Variants in TOP1 observed in about 807,000 individuals in gnomAD.
TOP1 encodes DNA topoisomerase 1.
TOP1 carries 10 observed loss-of-function variants against 111.1 expected under a neutral mutation model. The ratio of observed to expected loss-of-function variants is 0.09; its 90% CI spans 0.06 to 0.15. The LOEUF (loss-of-function observed/expected upper bound fraction) is 0.15. Ranked by LOEUF, TOP1 falls within the 10% of genes least tolerant of loss-of-function variation. The pLI, the probability that TOP1 is intolerant of heterozygous loss-of-function variation, is 1.00. For synonymous variants in TOP1, 271 were observed against 302.9 expected (o/e 0.89, Z 1.10); for missense variants, 474 against 926.7 (o/e 0.51, Z 6.34).
At position 41,109,327 on chromosome 20, in the gene TOP1, A is replaced by G. The variant is rs896780710; in HGVS notation, c.1309-3455A>G. ...AATTCAAAACGTTTTAAATCTATTT[A>G]TTAGTAAGACTAACATAGACCTAAG... is the stretch of plus-strand genomic sequence containing the variant. On this transcript the variant is annotated intron_variant, in intron 13 of 20. Transcript: ENST00000361337. The surrounding 1 kb of genome is among the most constrained non-coding windows in gnomAD (Gnocchi z 4.1). 2.0e-5 allele frequency among the ~76,000 whole-genome samples: 3 copies of G among 152,206 alleles called. No homozygotes were observed. Among genetic ancestry groups the G allele is most frequent in the African/African-American group, 7.2e-5 (3 of 41,460 alleles).
In TOP1 at chr20:41,107,533, TTTG is replaced by T. The variant is rs2034166026; in HGVS notation, c.1309-5246_1309-5244del. Among the ~76,000 whole-genome samples the T allele has an allele frequency of 3.9e-5, 6 of 152,228 alleles. No individual in the cohort carries two copies. In the South Asian group the frequency reaches 1.2e-3, roughly 32 times the overall value. On this transcript the variant is annotated intron_variant, in intron 13 of 20. Transcript: ENST00000361337. ...CTATAATTTATTTCAATTACCACTTTTTGTTTTCAAAATTTCTAATTTTATATC... is the reference window on the plus strand; with the variant it reads ...CTATAATTTATTTCAATTACCACTTTTTTTCAAAATTTCTAATTTTATATC...
intron 3 of TOP1, 41 bp from the exon 4 acceptor site, chr20:41,076,130 C>T: frequency 6.3e-7 from 1 of 1,580,514 alleles, no homozygotes; most frequent in Non-Finnish European, 8.6e-7. Flanking sequence ...TCCTTGTGGT[C>T]CCTACTCTGG....
intron 3 of TOP1, among the ~76,000 whole-genome samples, chr20:41,075,257 C>T (rs1337835355): frequency 2.0e-5 from 3 of 152,100 alleles, no homozygotes; most frequent in African/African-American, 4.8e-5. Context: ...CTGCAAGCTC[C>T]GCCTCCTGGG....
chr20:41,077,853 A>T (rs1409796669), intron 5 of TOP1, among the ~76,000 whole-genome samples: 1 of 151,846 alleles, frequency 6.6e-6, no homozygotes, highest in East Asian at 1.9e-4. Flanking sequence ...CCAGAAGGTT[A>T]TTTCGAATAG....
intron 13 of TOP1, among the ~76,000 whole-genome samples, chr20:41,107,393 T>C (rs2034163298): frequency 6.6e-6 from 1 of 151,280 alleles, no homozygotes. Flanking sequence ...TTCATACTCT[T>C]TGTCTCTTTA....
intron 9 of TOP1, among the ~76,000 whole-genome samples, chr20:41,093,184 T>C (rs117757282): frequency 0.033 from 5,030 of 152,270 alleles, 151 homozygotes; most frequent in Admixed American, 0.052. Flanking sequence ...CCCTTATCTG[T>C]CGTTGGTATT....
Position 41,101,260 on chromosome 20 carries a change from G to C in TOP1, c.1215G>C (p.Arg405=). ...CAGGACATAAGTGGAAAGAAGTCCG[G>C]CATGATAACAAGGTTACTTGGCTGG... ...PPPGHKWKEV[R]HDNKVTWLVS... is the part of the protein sequence containing the mutation. The change falls in exon 13 of 21, where the codon CGG becomes CGC. Residue 405 remains arginine (R), a synonymous_variant. Transcript: ENST00000361337. This position sits in a 1 kb window ranked among gnomAD's most constrained non-coding sequence, Gnocchi z 4.1. 1.2e-6 allele frequency: 2 copies of C among 1,614,102 alleles called. No homozygotes were observed. Among genetic ancestry groups the C allele is most frequent in the Non-Finnish European group, 1.7e-6 (2 of 1,179,974 alleles).
chr20:41,031,227 A>G (rs554957574), intron 2 of TOP1, among the ~76,000 whole-genome samples: 1 of 152,358 alleles, frequency 6.6e-6, no homozygotes, highest in African/African-American at 2.4e-5. Context: ...AAGCCACAGT[A>G]TAGACATGTT....
intron 8 of TOP1, among the ~76,000 whole-genome samples, chr20:41,086,309 A>C (rs1301747584): frequency 1.3e-5 from 2 of 151,964 alleles, no homozygotes; most frequent in Non-Finnish European, 2.9e-5. Flanking sequence ...TATTTTCCTC[A>C]TTTTTATTTC....
chr20:41,095,755 TGG>T lies in TOP1; in HGVS notation c.731-1464_731-1463del, dbSNP rs1437807938. 2.0e-5 allele frequency among the ~76,000 whole-genome samples: 3 copies of T among 152,236 alleles called. No homozygotes were observed. The highest frequency in any genetic ancestry group is 7.2e-5 in the African/African-American group (3 of 41,462). The stretch of plus-strand genomic sequence containing the variant: ...TTTCTATAAAGAATGTGGGCAGCCT[TGG>T]TGAATTATTAATACCTGTGTAATAG... On this transcript the variant is annotated intron_variant, in intron 9 of 20. Transcript: ENST00000361337. This position sits in a 1 kb window ranked among gnomAD's most constrained non-coding sequence, Gnocchi z 4.6.
intron 2 of TOP1, among the ~76,000 whole-genome samples, chr20:41,054,874 A>G (rs1228384064): frequency 6.6e-6 from 1 of 152,144 alleles, no homozygotes; most frequent in Non-Finnish European, 1.5e-5. Flanking sequence ...CTCCTGTGTA[A>G]TGCTACCTAA....
intron 2 of TOP1, among the ~76,000 whole-genome samples, chr20:41,038,536 G>C (rs1033192178): frequency 6.6e-6 from 1 of 152,082 alleles, no homozygotes; most frequent in African/African-American, 2.4e-5. Flanking sequence ...GGGTCACTAG[G>C]GAGCATTGAG....
intron 2 of TOP1, among the ~76,000 whole-genome samples, chr20:41,050,525 T>C (rs2033392282): frequency 6.6e-6 from 1 of 152,196 alleles, no homozygotes; most frequent in Admixed American, 6.5e-5. Flanking sequence ...TTCTGTAGGC[T>C]ACAAATTGAA....
intron 2 of TOP1, among the ~76,000 whole-genome samples, chr20:41,038,913 C>G (rs375056477): frequency 6.6e-6 from 1 of 151,496 alleles, no homozygotes. Context: ...GCTTAAGCCC[C>G]GGGAGGTGGA....
intron 13 of TOP1, among the ~76,000 whole-genome samples, chr20:41,107,695 T>C (rs1411583799): frequency 1.3e-5 from 2 of 152,268 alleles, no homozygotes; most frequent in Admixed American, 1.3e-4. Context: ...TGAATTCATG[T>C]GCTAATTACT....
chr20:41,100,214 G>C lies in TOP1; in HGVS notation c.1134G>C (p.Met378Ile), dbSNP rs2034040037. The C allele has an allele frequency of 6.2e-7, 1 of 1,613,754 alleles. No homozygotes were observed. The highest frequency in any genetic ancestry group is 1.1e-5 in the South Asian group (1 of 91,060). The change falls in exon 12 of 21, where the codon ATG becomes ATC. Residue 378 changes from methionine (M) to isoleucine (I), a missense_variant. Around this residue, in one of 14 missense-constraint regions of TOP1, gnomAD observed 22 missense variants for 30.4 expected, o/e 0.72. Coordinates refer to ENST00000361337, the MANE Select transcript of TOP1 (RefSeq NM_003286.4). This position sits in a 1 kb window ranked among gnomAD's most constrained non-coding sequence, Gnocchi z 4.4. ...TGGGCATGCTGAAGAGACGAATCAT[G>C]CCCGAGGATATAATCATCAACTGTA... ...PKMGMLKRRI[M>I]PEDIIINCSK...
chr20:41,077,948 A>ATTTTTTTTT (rs57349578), intron 5 of TOP1, among the ~76,000 whole-genome samples: 2 of 129,556 alleles, frequency 1.5e-5, no homozygotes, highest in Non-Finnish European at 1.6e-5. Context: ...ACAGTGTACC[A>ATTTTTTTTT]TTTTTTTTTT....
At chr20:41,033,255 C>T (rs1302308193) in intron 2 of TOP1, among the ~76,000 whole-genome samples, 1 of 151,192 alleles carries the variant, frequency 6.6e-6, no homozygotes, top group Non-Finnish European at 1.5e-5. Flanking sequence ...TAACGGTCAC[C>T]AACTCCTGCT....
At chr20:41,103,024 G>A (rs1481947161) in intron 13 of TOP1, among the ~76,000 whole-genome samples, 1 of 152,166 alleles carries the variant, frequency 6.6e-6, no homozygotes, top group Admixed American at 6.5e-5. Context: ...AGTATGTTGA[G>A]GATAGGGGTT....
Sources: allele counts gnomAD v4.1 joint callset (sites outside exome capture counted in the v4.1 genomes callset), GRCh38; gene constraint gnomAD v4.1.1; regional missense constraint gnomAD v4.1.1; non-coding constraint Gnocchi (gnomAD v3.1); transcripts MANE v1.5; gene names NCBI Gene and HGNC (gene_info 2026-07-23, HGNC 2026-07-21).